NBEA: variants seen among roughly 807,000 people sequenced by gnomAD.
NBEA encodes neurobeachin, also known as lysosomal-trafficking regulator 2.
NBEA carries 44 observed loss-of-function variants against 343.4 expected under a neutral mutation model. That is an observed-to-expected ratio of 0.13 (90% CI 0.10 to 0.16). The LOEUF (loss-of-function observed/expected upper bound fraction) is 0.16, where lower values mean the gene tolerates loss of function less well. Among genes scored for constraint, NBEA ranks in the 10% least tolerant of loss-of-function variants. The pLI, the probability that NBEA is intolerant of heterozygous loss-of-function variation, is 1.00. For synonymous variants in NBEA, 1,175 were observed against 1,238.7 expected (o/e 0.95, Z 1.08); for missense variants, 2,555 against 3,631.3 (o/e 0.70, Z 7.62).
intron 44 of NBEA, among the ~76,000 whole-genome samples, chr13:35,558,324 T>C (rs2153019680): frequency 6.6e-6 from 1 of 152,246 alleles, no homozygotes; most frequent in Admixed American, 6.5e-5. Context: ...GGAGTATATG[T>C]GAAGCCATTT....
chr13:35,208,575 A>C (rs2073555746), intron 31 of NBEA, 125 bp from the exon 32 acceptor site: 3 of 818,556 alleles, frequency 3.7e-6, no homozygotes, highest in South Asian at 3.2e-5. Context: ...AGGAGTTTAA[A>C]ATTTTTTTTT....
intron 38 of NBEA, among the ~76,000 whole-genome samples, chr13:35,382,718 A>G (rs763506030): frequency 3.3e-5 from 5 of 152,152 alleles, no homozygotes; most frequent in Non-Finnish European, 5.9e-5. Context: ...CAAAAAGTGT[A>G]TTTATATTAT....
At position 35,532,576 on chromosome 13, in the gene NBEA, A is replaced by G. The variant is rs1192843587; in HGVS notation, c.6586-17901A>G. ...TGTTACAGGTATGATAAACTTAAGG[A>G]AATTATCTATTTGTGACATACTTGA... On this transcript the variant is annotated intron_variant, in intron 41 of 58. Coordinates refer to ENST00000379939, the MANE Select transcript of NBEA (RefSeq NM_001385012.1). 2.6e-5 allele frequency among the ~76,000 whole-genome samples: 4 copies of G among 152,178 alleles called. No individual in the cohort carries two copies. The East Asian group carries it at 7.7e-4, about 29-fold the overall frequency.
At chr13:35,054,643 C>CTTTT (rs1186551019) in intron 6 of NBEA, among the ~76,000 whole-genome samples, 8 of 117,452 alleles carry the variant, frequency 6.8e-5, no homozygotes, top group Non-Finnish European at 1.1e-4. Context: ...GTTTTCTTTT[C>CTTTT]TTTTTTTTTT....
At chr13:35,450,528 G>A (rs918060920) in intron 39 of NBEA, among the ~76,000 whole-genome samples, 6 of 152,066 alleles carry the variant, frequency 3.9e-5, no homozygotes, top group Non-Finnish European at 8.8e-5. Flanking sequence ...TCAATAGGCA[G>A]TAATGGACTG....
intron 28 of NBEA, chr13:35,179,903 G>A (rs1188511391): frequency 1.3e-5 from 7 of 543,220 alleles, no homozygotes; most frequent in Admixed American, 6.4e-5. Flanking sequence ...CATCATTGTA[G>A]TGCAAGGAAT....
At chr13:35,501,718 A>C (rs2076893157) in intron 41 of NBEA, among the ~76,000 whole-genome samples, 1 of 152,126 alleles carries the variant, frequency 6.6e-6, no homozygotes, top group South Asian at 2.1e-4. Context: ...AAAACAGTTA[A>C]TATATGGTAA....
At chr13:35,403,681 G>A (rs1403794603) in intron 38 of NBEA, among the ~76,000 whole-genome samples, 1 of 151,914 alleles carries the variant, frequency 6.6e-6, no homozygotes, top group Non-Finnish European at 1.5e-5. Flanking sequence ...TTACCATTCA[G>A]GACATAGGCA....
chr13:34,974,311 T>C (rs2060095230), intron 1 of NBEA, among the ~76,000 whole-genome samples: 1 of 152,224 alleles, frequency 6.6e-6, no homozygotes, highest in Non-Finnish European at 1.5e-5. Context: ...GTTGGCCATC[T>C]TGGCCCAAAT....
At chr13:35,287,349 G>C (rs1272551362) in intron 34 of NBEA, among the ~76,000 whole-genome samples, 1 of 152,016 alleles carries the variant, frequency 6.6e-6, no homozygotes, top group African/African-American at 2.4e-5. Flanking sequence ...GGCACAGATT[G>C]TCATGATAGA....
intron 4 of NBEA, among the ~76,000 whole-genome samples, chr13:35,047,133 T>C (rs960107849): frequency 1.3e-5 from 2 of 152,068 alleles, no homozygotes; most frequent in Non-Finnish European, 2.9e-5. Flanking sequence ...ATAATAAAAC[T>C]GCCTGAACTA....
chr13:35,225,843 T>C (rs771986919), intron 33 of NBEA, among the ~76,000 whole-genome samples: 5 of 152,120 alleles, frequency 3.3e-5, no homozygotes, highest in Non-Finnish European at 7.4e-5. Context: ...AGCTCTCTGA[T>C]GAGGCCTAAC....
At chr13:35,517,487 A>T (rs2152990308) in intron 41 of NBEA, among the ~76,000 whole-genome samples, 1 of 152,276 alleles carries the variant, frequency 6.6e-6, no homozygotes, top group South Asian at 2.1e-4. Flanking sequence ...TCCCAATTTT[A>T]AAAGATGTCG....
intron 38 of NBEA, among the ~76,000 whole-genome samples, chr13:35,410,354 T>A (rs561840590): frequency 3.2e-4 from 49 of 152,264 alleles, no homozygotes; most frequent in African/African-American, 1.1e-3. Flanking sequence ...GGATGCATTT[T>A]TCAAGAACTT....
At chr13:35,281,611 C>A (rs1170050765) in intron 34 of NBEA, among the ~76,000 whole-genome samples, 2 of 151,884 alleles carry the variant, frequency 1.3e-5, no homozygotes, top group South Asian at 2.1e-4. Flanking sequence ...TCTTTGACTT[C>A]GTGAATATCT....
At chr13:34,977,095 C>T (rs1363685595) in intron 1 of NBEA, among the ~76,000 whole-genome samples, 4 of 151,684 alleles carry the variant, frequency 2.6e-5, no homozygotes, top group Non-Finnish European at 5.9e-5. Context: ...CGTGCACCAT[C>T]ACGGCCAGCA....
chr13:35,424,787 T>C (rs944850903), intron 38 of NBEA, among the ~76,000 whole-genome samples: 2 of 152,214 alleles, frequency 1.3e-5, no homozygotes, highest in African/African-American at 2.4e-5. Flanking sequence ...CCTGGACTTT[T>C]TTTTCGTTGG....
At chr13:35,209,953 C>G (rs117583226) in intron 32 of NBEA, among the ~76,000 whole-genome samples, 4,524 of 152,132 alleles carry the variant, frequency 0.03, 101 homozygotes, top group Non-Finnish European at 0.045. Flanking sequence ...ACTTTAAAGT[C>G]TTTCCAGTAT....
chr13:35,115,294 G>A (rs894614944), intron 13 of NBEA, among the ~76,000 whole-genome samples: 2 of 151,694 alleles, frequency 1.3e-5, no homozygotes, highest in Non-Finnish European at 2.9e-5. Flanking sequence ...ACACAAAGTG[G>A]TATAATTACA....
Sources: allele counts gnomAD v4.1 joint callset (sites outside exome capture counted in the v4.1 genomes callset), GRCh38; gene constraint gnomAD v4.1.1; transcripts MANE v1.5; gene names NCBI Gene and HGNC (gene_info 2026-07-23, HGNC 2026-07-21).